Variants in TAOK1 observed in about 807,000 individuals in gnomAD.
The protein encoded by TAOK1 is TAO kinase 1.
In TAOK1, 21 loss-of-function variants were observed where a neutral mutation model predicts 138.3. That is an observed-to-expected ratio of 0.15 (90% CI 0.11 to 0.22). The LOEUF (loss-of-function observed/expected upper bound fraction) is 0.22. Among genes scored for constraint, TAOK1 ranks in the 10% least tolerant of loss-of-function variants. The pLI, the probability that TAOK1 is intolerant of heterozygous loss-of-function variation, is 1.00. For synonymous variants in TAOK1, 361 were observed against 398.4 expected, an observed-to-expected ratio of 0.91 and a Z score of 1.12; for missense variants, 651 against 1,227.7, an observed-to-expected ratio of 0.53 and a Z score of 7.02.
intron 13 of TAOK1, among the ~76,000 whole-genome samples, chr17:29,506,422 CATAGA>C (rs1246575550): frequency 2.0e-5 from 3 of 152,054 alleles, no homozygotes; most frequent in Non-Finnish European, 4.4e-5. Context: ...AAGTTGAACT[CATAGA>C]ATAGAGGTGG....
intron 1 of TAOK1, among the ~76,000 whole-genome samples, chr17:29,433,295 G>A (rs1411680515): frequency 6.6e-6 from 1 of 151,908 alleles, no homozygotes; most frequent in East Asian, 1.9e-4. Context: ...GCTGGACGTG[G>A]TGGCGGGCAT....
intron 19 of TAOK1, among the ~76,000 whole-genome samples, chr17:29,534,864 T>A (rs1049895881): frequency 6.6e-6 from 1 of 152,188 alleles, no homozygotes; most frequent in Non-Finnish European, 1.5e-5. Flanking sequence ...TTCTGAATTA[T>A]TCTTGTCAGA....
At chr17:29,540,155 G>GAA (rs1322846494) in intron 19 of TAOK1, among the ~76,000 whole-genome samples, 1 of 152,188 alleles carries the variant, frequency 6.6e-6, no homozygotes, top group Non-Finnish European at 1.5e-5. Context: ...AGAAGAGTTT[G>GAA]AAAATTGTTA....
At chr17:29,423,093 C>CG (rs1905506255) in intron 1 of TAOK1, among the ~76,000 whole-genome samples, 1 of 148,542 alleles carries the variant, frequency 6.7e-6, no homozygotes, top group Non-Finnish European at 1.5e-5. Flanking sequence ...TTTTTTCCCC[C>CG]ATTTTTTTTT....
intron 19 of TAOK1, among the ~76,000 whole-genome samples, chr17:29,541,159 G>C (rs1286077218): frequency 6.6e-6 from 1 of 151,992 alleles, no homozygotes; most frequent in East Asian, 1.9e-4. Context: ...GCCGAGGCTG[G>C]AGTGCAGTGG....
chr17:29,451,799 G>A, intron 2 of TAOK1, 119 bp downstream of exon 2: 1 of 1,234,096 alleles, frequency 8.1e-7, no homozygotes, highest in Non-Finnish European at 1.1e-6. Flanking sequence ...CACTTGCATA[G>A]GGGGAAGAGA....
chr17:29,493,148 A>G (rs2031337301), intron 10 of TAOK1, among the ~76,000 whole-genome samples: 1 of 151,924 alleles, frequency 6.6e-6, no homozygotes, highest in Admixed American at 6.6e-5. Flanking sequence ...TCCAAAAAAA[A>G]GAAAGAAAGA....
At chr17:29,450,121 C>T (rs1347862291) in intron 1 of TAOK1, among the ~76,000 whole-genome samples, 1 of 151,734 alleles carries the variant, frequency 6.6e-6, no homozygotes, top group African/African-American at 2.4e-5. Flanking sequence ...GGGTCTCTCT[C>T]TCTTGCCCAG....
Position 29,547,928 on chromosome 17 carries a change from C to G in TAOK1, c.*4906C>G, listed in dbSNP as rs916076810. The G allele has an allele frequency of 1.3e-5, 2 of 152,076 alleles. No individual in the cohort carries two copies. The highest frequency in any genetic ancestry group is 2.9e-5 in the Non-Finnish European group (2 of 67,988). The allele number at this position is 152,076 out of a possible 1,614,324, so 9.4% of individuals were successfully genotyped here. On this transcript the variant is annotated 3_prime_UTR_variant, in exon 20 of 20. Coordinates refer to ENST00000261716, the MANE Select transcript of TAOK1 (RefSeq NM_020791.4). ...CTGATTGAAGTCTGTTTTGCTGTGT[C>G]TGGTTATGTTGTCTGCACTTTTATG...
chr17:29,527,246 A>T (rs1355360712), intron 17 of TAOK1, among the ~76,000 whole-genome samples: 1 of 151,982 alleles, frequency 6.6e-6, no homozygotes, highest in African/African-American at 2.4e-5. Flanking sequence ...AGCCATGATC[A>T]TGCCACTGCA....
intron 6 of TAOK1, among the ~76,000 whole-genome samples, chr17:29,478,560 C>T (rs1229451392): frequency 6.6e-6 from 1 of 152,002 alleles, no homozygotes; most frequent in Non-Finnish European, 1.5e-5. Flanking sequence ...TGCTGCTGGA[C>T]CTTGTAAAAA....
intron 1 of TAOK1, among the ~76,000 whole-genome samples, chr17:29,438,673 G>A (rs1567718480): frequency 6.6e-6 from 1 of 152,150 alleles, no homozygotes; most frequent in Admixed American, 6.6e-5. Context: ...AACAGAGTGA[G>A]GAGACCTTGT....
intron 19 of TAOK1, among the ~76,000 whole-genome samples, chr17:29,541,401 C>T (rs1178452541): frequency 1.3e-5 from 2 of 151,940 alleles, no homozygotes; most frequent in Non-Finnish European, 2.9e-5. Context: ...TGATCCACCG[C>T]GCCCGGCCTA....
rs750978894 is a variant in TAOK1 at position 29,542,825 on chromosome 17, A to G, written c.2809A>G (p.Met937Val). 5.6e-6 allele frequency: 9 copies of G among 1,614,150 alleles called. No individual in the cohort carries two copies. The highest frequency in any genetic ancestry group is 3.3e-5 in the Admixed American group (2 of 60,026). The change falls in exon 20 of 20, where the codon ATG (methionine) becomes GTG (valine). Residue 937 changes from methionine (M) to valine (V), a missense_variant. Met to Val is a conservative substitution (Grantham distance 21). Coordinates refer to ENST00000261716, the MANE Select transcript of TAOK1 (RefSeq NM_020791.4). ...CCCACCACAAGCTTGGGGCCATCCAATGCAAGGTGGACCCCAGCCATGGGG... is the reference window on the plus strand; with the variant it reads ...CCCACCACAAGCTTGGGGCCATCCAGTGCAAGGTGGACCCCAGCCATGGGG... Reference protein sequence around the residue: ...GGPPQAWGHPMQGGPQPWGHP... With the variant: ...GGPPQAWGHPVQGGPQPWGHP...
intron 1 of TAOK1, among the ~76,000 whole-genome samples, chr17:29,432,075 GAC>G (rs1185048763): frequency 6.6e-6 from 1 of 152,174 alleles, no homozygotes; most frequent in Non-Finnish European, 1.5e-5. Flanking sequence ...AGGAATTAAA[GAC>G]ACACACACAG....
At chr17:29,464,505 T>C (rs1474565003) in intron 2 of TAOK1, among the ~76,000 whole-genome samples, 2 of 151,734 alleles carry the variant, frequency 1.3e-5, no homozygotes, top group East Asian at 3.9e-4. Flanking sequence ...GTTGCACATA[T>C]CTGCTAATGT....
intron 3 of TAOK1, among the ~76,000 whole-genome samples, chr17:29,469,169 G>A (rs1348437639): frequency 6.6e-6 from 1 of 151,906 alleles, no homozygotes; most frequent in African/African-American, 2.4e-5. Flanking sequence ...ATCATTTTGA[G>A]CCCAGGAGTT....
At chr17:29,405,194 G>A (rs1005071974) in intron 1 of TAOK1, among the ~76,000 whole-genome samples, 4 of 152,064 alleles carry the variant, frequency 2.6e-5, no homozygotes, top group Admixed American at 2.0e-4. Flanking sequence ...CACCATGTTG[G>A]TCAGGCTAGT....
chr17:29,450,356 G>A (rs1406373522), intron 1 of TAOK1, among the ~76,000 whole-genome samples: 2 of 152,082 alleles, frequency 1.3e-5, no homozygotes, highest in Non-Finnish European at 2.9e-5. Flanking sequence ...CAAAATGCTT[G>A]GATTACAGAT....
Sources: gnomAD v4.1 joint callset for allele counts (sites outside exome capture counted in the v4.1 genomes callset) on GRCh38, gnomAD v4.1.1 for gene constraint, MANE v1.5 for transcripts, NCBI Gene and HGNC (gene_info 2026-07-23, HGNC 2026-07-21) for gene names.